The following ZNF385B variants were observed in gnomAD, a reference collection of about 807,000 sequenced individuals.
ZNF385B encodes zinc finger protein 385B.
ZNF385B carries 23 observed loss-of-function variants against 39.2 expected under a neutral mutation model. The ratio of observed to expected loss-of-function variants is 0.59; its 90% CI spans 0.42 to 0.83. The LOEUF (loss-of-function observed/expected upper bound fraction) is 0.83, where lower values mean the gene tolerates loss of function less well. ZNF385B is among the 40% of genes least tolerant of loss of function. The pLI, the probability that ZNF385B is intolerant of heterozygous loss-of-function variation, is 0.00. For synonymous variants in ZNF385B, 205 were observed against 222.6 expected, an observed-to-expected ratio of 0.92 and a Z score of 0.70; for missense variants, 552 against 598.9, an observed-to-expected ratio of 0.92 and a Z score of 0.82.
chr2:179,825,370 A>C (rs1417065646), intron 1 of ZNF385B, among the ~76,000 whole-genome samples: 1 of 152,174 alleles, frequency 6.6e-6, no homozygotes, highest in Non-Finnish European at 1.5e-5. Flanking sequence ...TATCAAAATA[A>C]ATTTTAAATT....
intron 3 of ZNF385B, among the ~76,000 whole-genome samples, chr2:179,707,824 C>T (rs1419697274): frequency 1.3e-5 from 2 of 152,204 alleles, no homozygotes; most frequent in African/African-American, 4.8e-5. Context: ...GGCAGGGACA[C>T]CTGCTGAGAA....
chr2:179,519,088 C>T (rs1304141253), intron 4 of ZNF385B, among the ~76,000 whole-genome samples: 1 of 152,174 alleles, frequency 6.6e-6, no homozygotes, highest in Non-Finnish European at 1.5e-5. Flanking sequence ...TCAAGTGATC[C>T]TCTTGTTTCA....
At chr2:179,634,973 C>CAAAAAAAAA (rs66671134) in intron 3 of ZNF385B, among the ~76,000 whole-genome samples, 33 of 115,470 alleles carry the variant, frequency 2.9e-4, no homozygotes, top group Non-Finnish European at 4.0e-4. Context: ...ACTAAAAATA[C>CAAAAAAAAA]AAAAAAAAAA....
At chr2:179,708,645 A>G (rs558241412) in intron 3 of ZNF385B, among the ~76,000 whole-genome samples, 3 of 152,152 alleles carry the variant, frequency 2.0e-5, no homozygotes, top group Non-Finnish European at 4.4e-5. Flanking sequence ...ATCAAGTCTG[A>G]CTCTCTAAAC....
intron 1 of ZNF385B, among the ~76,000 whole-genome samples, chr2:179,786,097 A>T (rs1167585725): frequency 2.0e-5 from 3 of 152,162 alleles, no homozygotes; most frequent in Non-Finnish European, 4.4e-5. Flanking sequence ...CAGCAAAAAC[A>T]TTATGACTCA....
At chr2:179,792,562 A>G (rs367921783) in intron 1 of ZNF385B, among the ~76,000 whole-genome samples, 1 of 143,752 alleles carries the variant, frequency 7.0e-6, no homozygotes, top group East Asian at 2.5e-4. Flanking sequence ...TTTAGTAGAG[A>G]CAGAGTTTCA....
intron 3 of ZNF385B, among the ~76,000 whole-genome samples, chr2:179,612,793 C>T (rs1283212268): frequency 6.6e-6 from 1 of 152,160 alleles, no homozygotes; most frequent in African/African-American, 2.4e-5. Context: ...GCGGCAAAGC[C>T]AGCCAGGCTT....
chr2:179,569,141 C>T (rs1684925322), intron 3 of ZNF385B, among the ~76,000 whole-genome samples: 8 of 152,098 alleles, frequency 5.3e-5, no homozygotes. Flanking sequence ...AATATCTTCC[C>T]CAAGATCCTA....
intron 5 of ZNF385B, among the ~76,000 whole-genome samples, chr2:179,514,584 A>C (rs1408908853): frequency 6.6e-6 from 1 of 152,244 alleles, no homozygotes; most frequent in Admixed American, 6.5e-5. Flanking sequence ...TGCAAGGCAA[A>C]GAAGAGTGTC....
intron 3 of ZNF385B, among the ~76,000 whole-genome samples, chr2:179,591,049 C>A (rs140116439): frequency 6.6e-6 from 1 of 151,906 alleles, no homozygotes; most frequent in African/African-American, 2.4e-5. Flanking sequence ...TCTAATTATT[C>A]ACTACCTGTT....
chr2:179,485,390 T>C (rs1354312559), intron 5 of ZNF385B, among the ~76,000 whole-genome samples: 1 of 152,192 alleles, frequency 6.6e-6, no homozygotes, highest in African/African-American at 2.4e-5. Context: ...GATTATTGTG[T>C]GTTGTTGAAG....
intron 3 of ZNF385B, chr2:179,585,794 A>T (rs901112092): frequency 4.6e-5 from 7 of 152,138 alleles, no homozygotes; most frequent in African/African-American, 1.7e-4. Flanking sequence ...CTTCTACTCG[A>T]TGGCTACACT....
intron 3 of ZNF385B, among the ~76,000 whole-genome samples, chr2:179,733,933 T>G (rs1258571897): frequency 6.6e-6 from 1 of 152,190 alleles, no homozygotes; most frequent in Admixed American, 6.5e-5. Flanking sequence ...TTCTTTTTCC[T>G]GATCCCCTCC....
In ZNF385B at chr2:179,585,040, G is replaced by A. The variant is rs150823962; in HGVS notation, c.299-40071C>T. 3.9e-5 allele frequency among the ~76,000 whole-genome samples: 6 copies of A among 152,244 alleles called. No individual in the cohort carries two copies. The East Asian group carries it at 1.2e-3, about 29-fold the overall frequency. On this transcript the variant is annotated intron_variant, in intron 3 of 9. Coordinates refer to ENST00000410066, the MANE Select transcript of ZNF385B (RefSeq NM_152520.6). ...CACATCCACTGGATTTGGAAATTAGGAAGACATTGGTGACCTTTGCCAGAA... is the reference window on the plus strand; with the variant it reads ...CACATCCACTGGATTTGGAAATTAGAAAGACATTGGTGACCTTTGCCAGAA...
At position 179,851,835 on chromosome 2, in the gene ZNF385B, C is replaced by A. The variant is rs539827745; in HGVS notation, c.-155+9266G>T. 2.0e-5 allele frequency among the ~76,000 whole-genome samples: 3 copies of A among 152,282 alleles called. No homozygotes were observed. The East Asian group carries it at 5.8e-4, about 29-fold the overall frequency. ...CATACACAGTAAACAGTTTTTCTTG[C>A]TATAATTCTTAATAATTTCTTAATA... On this transcript the variant is annotated intron_variant, in intron 1 of 9. Coordinates refer to ENST00000410066, the MANE Select transcript of ZNF385B (RefSeq NM_152520.6).
intron 6 of ZNF385B, 51 bp downstream of exon 6, chr2:179,483,221 A>C: frequency 1.2e-6 from 2 of 1,602,680 alleles, no homozygotes; most frequent in Non-Finnish European, 1.7e-6. Context: ...GGGTCAGGGC[A>C]GGGGAACAGG....
chr2:179,443,445 A>G lies in ZNF385B; in HGVS notation c.1266T>C (p.Asp422=). ...ILAAKLAFQK[D]MMKPLAPAFL... Reference sequence around the variant, plus strand: ...AGGCTGGGGCCAAAGGCTTCATCATATCTTTCTGGAATGCAAGTTTTGCCT... The same window carrying G: ...AGGCTGGGGCCAAAGGCTTCATCATGTCTTTCTGGAATGCAAGTTTTGCCT... Residue 422 remains aspartate, a synonymous_variant, in exon 10 of 10, where the codon GAT becomes GAC. Transcript: ENST00000410066. 1.2e-6 allele frequency: 2 copies of G among 1,604,648 alleles called. No individual in the cohort carries two copies. The highest frequency in any genetic ancestry group is 2.2e-5 in the South Asian group (2 of 89,442).
In ZNF385B at chr2:179,758,533, G is replaced by C. The variant is rs141454585; in HGVS notation, c.298+10970C>G. 2.0e-5 allele frequency among the ~76,000 whole-genome samples: 3 copies of C among 152,168 alleles called. No homozygotes were observed. In the East Asian group the frequency reaches 5.8e-4, roughly 29 times the overall value. On this transcript the variant is annotated intron_variant, in intron 3 of 9. Coordinates refer to ENST00000410066, the MANE Select transcript of ZNF385B (RefSeq NM_152520.6). ...AGGCACCACCTCTTAATACTGTCAC[G>C]TTGGGGTTTAAGTTCTAATGTATGA...
At chr2:179,654,399 T>G (rs1270378097) in intron 3 of ZNF385B, among the ~76,000 whole-genome samples, 1 of 152,096 alleles carries the variant, frequency 6.6e-6, no homozygotes, top group Admixed American at 6.6e-5. Flanking sequence ...CCCCTTCGAG[T>G]GCAGGAGGAT....
Sources: allele counts gnomAD v4.1 joint callset (sites outside exome capture counted in the v4.1 genomes callset), GRCh38; gene constraint gnomAD v4.1.1; transcripts MANE v1.5; gene names NCBI Gene and HGNC (gene_info 2026-07-23, HGNC 2026-07-21).